Variants in L3MBTL3 observed in about 807,000 individuals in gnomAD.
L3MBTL3 encodes the protein L3MBTL histone methyl-lysine binding protein 3.
L3MBTL3 carries 27 observed loss-of-function variants against 102.3 expected under a neutral mutation model. The observed-to-expected ratio is 0.26, with a 90% confidence interval of 0.19 to 0.36. The LOEUF (loss-of-function observed/expected upper bound fraction) is 0.36. Among genes scored for constraint, L3MBTL3 ranks in the 10% least tolerant of loss-of-function variants. The pLI is 1.00. For synonymous variants in L3MBTL3, 340 were observed against 320.9 expected (o/e 1.06, Z -0.64); for missense variants, 798 against 955.3 (o/e 0.84, Z 2.17).
intron 19 of L3MBTL3, among the ~76,000 whole-genome samples, chr6:130,112,493 T>C (rs1031577511): frequency 2.0e-5 from 3 of 152,190 alleles, no homozygotes; most frequent in Admixed American, 2.0e-4. Context: ...TCTCATTAAT[T>C]AGAGTGGTAT....
At chr6:130,114,432 A>G (rs1785538446) in intron 19 of L3MBTL3, among the ~76,000 whole-genome samples, 1 of 152,202 alleles carries the variant, frequency 6.6e-6, no homozygotes, top group Admixed American at 6.5e-5. Context: ...AACAACAACA[A>G]AGTAATAGAG....
At chr6:130,099,829 A>G (rs1298355611) in intron 18 of L3MBTL3, among the ~76,000 whole-genome samples, 1 of 152,212 alleles carries the variant, frequency 6.6e-6, no homozygotes, top group East Asian at 1.9e-4. Context: ...ATTGGTGACA[A>G]TAGTATCTGC....
chr6:130,048,913 G>A (rs1451934937), intron 3 of L3MBTL3, among the ~76,000 whole-genome samples: 2 of 145,258 alleles, frequency 1.4e-5, no homozygotes, highest in Admixed American at 6.9e-5. Context: ...TAAAAAATAC[G>A]ACGTAAGAAA....
intron 10 of L3MBTL3, among the ~76,000 whole-genome samples, chr6:130,065,991 A>G (rs1354076945): frequency 1.3e-5 from 2 of 152,156 alleles, no homozygotes; most frequent in East Asian, 3.9e-4. Flanking sequence ...GGGCCATGCT[A>G]GAGCTGAGTG....
intron 19 of L3MBTL3, among the ~76,000 whole-genome samples, chr6:130,108,231 G>C (rs12196675): frequency 1.1e-5 from 1 of 91,052 alleles, no homozygotes; most frequent in Non-Finnish European, 2.1e-5. Context: ...TTTTTTTTTT[G>C]TTTTTTTTTT....
chr6:130,071,508 A>T (rs1782640723), intron 13 of L3MBTL3, among the ~76,000 whole-genome samples: 1 of 152,080 alleles, frequency 6.6e-6, no homozygotes, highest in Non-Finnish European at 1.5e-5. Context: ...CAGTTTTTAG[A>T]TATCCTGCAC....
intron 2 of L3MBTL3, among the ~76,000 whole-genome samples, chr6:130,040,411 T>C (rs1042181300): frequency 1.3e-5 from 2 of 152,088 alleles, no homozygotes; most frequent in Non-Finnish European, 2.9e-5. Context: ...TGTACCATCA[T>C]GTGTTGGTCA....
chr6:130,138,944 T>A (rs1340516745), intron 22 of L3MBTL3, among the ~76,000 whole-genome samples: 1 of 152,148 alleles, frequency 6.6e-6, no homozygotes, highest in Admixed American at 6.6e-5. Context: ...TAGACTTTTG[T>A]CTTAGAAGAT....
chr6:130,115,278 C>A (rs1785592979), intron 19 of L3MBTL3, among the ~76,000 whole-genome samples: 1 of 152,124 alleles, frequency 6.6e-6, no homozygotes, highest in Admixed American at 6.6e-5. Context: ...ACTTGAGCTG[C>A]CGCAAGGTAG....
chr6:130,034,363 T>A (rs1245925875), intron 2 of L3MBTL3, among the ~76,000 whole-genome samples: 2 of 152,224 alleles, frequency 1.3e-5, no homozygotes, highest in African/African-American at 2.4e-5. Context: ...ATTGGAAAAT[T>A]TAAATGATCT....
chr6:130,086,531 A>G (rs888085511), intron 16 of L3MBTL3, among the ~76,000 whole-genome samples: 1 of 152,216 alleles, frequency 6.6e-6, no homozygotes, highest in African/African-American at 2.4e-5. Flanking sequence ...TATTCAGAAG[A>G]AAAGATACTT....
intron 1 of L3MBTL3, among the ~76,000 whole-genome samples, chr6:130,019,893 G>C (rs1368408292): frequency 7.0e-6 from 1 of 143,090 alleles, no homozygotes; most frequent in Non-Finnish European, 1.6e-5. Flanking sequence ...CGGGCCGGGA[G>C]CCCGCGCCGT....
At chr6:130,051,541 AG>A (rs1781092647) in intron 6 of L3MBTL3, 133 bp downstream of exon 6, 1 of 782,232 alleles carries the variant, frequency 1.3e-6, no homozygotes, top group African/African-American at 1.7e-5. Context: ...CTTTTCCTTT[AG>A]GGCCACATGG....
At chr6:130,091,029 G>A (rs1486294983) in intron 16 of L3MBTL3, among the ~76,000 whole-genome samples, 1 of 150,342 alleles carries the variant, frequency 6.7e-6, no homozygotes, top group Non-Finnish European at 1.5e-5. Flanking sequence ...TTGAGGAAGA[G>A]AGTTCTTGAC....
chr6:130,097,312 A>G (rs777628323), intron 18 of L3MBTL3, among the ~76,000 whole-genome samples: 11 of 152,210 alleles, frequency 7.2e-5, no homozygotes, highest in Non-Finnish European at 1.3e-4. Context: ...ATAATGAGAA[A>G]ATTCTCTTTG....
At position 130,133,542 on chromosome 6, in the gene L3MBTL3, G is replaced by A. The variant is rs769544082; in HGVS notation, c.2057G>A (p.Arg686His). 12 of 1,613,958 alleles carry A rather than the reference G, an allele frequency of 7.4e-6. No individual in the cohort carries two copies. The highest frequency in any genetic ancestry group is 3.3e-5 in the South Asian group (3 of 91,086). Residue 686 changes from arginine (R) to histidine (H), a missense_variant, in exon 21 of 23, where the codon CGC becomes CAC. This residue lies in a region of L3MBTL3 where 306 missense variants were observed against 314.4 expected (regional missense o/e 0.97). Coordinates refer to ENST00000361794, the MANE Select transcript of L3MBTL3 (RefSeq NM_032438.4). This position sits in a 1 kb window ranked among gnomAD's most constrained non-coding sequence, Gnocchi z 4.9. The stretch of plus-strand genomic sequence containing the variant: ...TCCCCAATTCCATGTCTGCCCTTGC[G>A]CTGGGAGCAGCAAAGCAAACTTCTT... ...FKSPIPCLPL[R>H]WEQQSKLLPT...
intron 8 of L3MBTL3, among the ~76,000 whole-genome samples, chr6:130,056,115 A>G (rs1322978694): frequency 6.6e-6 from 1 of 151,832 alleles, no homozygotes; most frequent in Non-Finnish European, 1.5e-5. Context: ...TTTAGTAGAG[A>G]TGGGGTTTCA....
Position 130,068,339 on chromosome 6 carries a change from A to G in L3MBTL3, c.1010A>G (p.Glu337Gly). 1 of 1,578,458 alleles carries G rather than the reference A, an allele frequency of 6.3e-7. No homozygotes were observed. Among genetic ancestry groups the G allele is most frequent in the Non-Finnish European group, 8.7e-7 (1 of 1,147,896 alleles). ...HKLHPPKGYK[E>G]EEFNWQTYLK... ...TATGTGCTTACTCTAGGGTATAAAG[A>G]AGAAGAATTCAATTGGCAGACCTAT... Residue 337 changes from glutamate (E) to glycine (G), a missense_variant, in exon 12 of 23, where the codon GAA becomes GGA. Coordinates refer to ENST00000361794, the MANE Select transcript of L3MBTL3 (RefSeq NM_032438.4).
At chr6:130,119,410 C>T (rs1785967631) in intron 19 of L3MBTL3, among the ~76,000 whole-genome samples, 1 of 152,170 alleles carries the variant, frequency 6.6e-6, no homozygotes, top group South Asian at 2.1e-4. Flanking sequence ...TTAATTTTAG[C>T]ATGGTAAGCT....
Sources: gnomAD v4.1 joint callset for allele counts (sites outside exome capture counted in the v4.1 genomes callset) on GRCh38, gnomAD v4.1.1 for gene constraint, gnomAD v4.1.1 regional missense constraint, Gnocchi (gnomAD v3.1) non-coding constraint, MANE v1.5 for transcripts, NCBI Gene and HGNC (gene_info 2026-07-23, HGNC 2026-07-21) for gene names.